The following SLC4A10 variants were observed in gnomAD, a reference collection of about 807,000 sequenced individuals.
SLC4A10 encodes the protein sodium-driven chloride bicarbonate exchanger.
In SLC4A10, 42 loss-of-function variants were observed where a neutral mutation model predicts 137.7. The ratio of observed to expected loss-of-function variants is 0.30; its 90% confidence interval spans 0.24 to 0.39. The LOEUF is 0.39. SLC4A10 is among the 10% of genes least tolerant of loss of function. The probability of loss-of-function intolerance (pLI) is 1.00; values close to 1 mark genes in which losing one functional copy is unlikely to be tolerated. For synonymous variants in SLC4A10, 474 were observed against 464.1 expected (o/e 1.02, Z -0.27); for missense variants, 925 against 1,355.0 (o/e 0.68, Z 4.98).
chr2:161,939,512 A>G (rs1692273945), intron 15 of SLC4A10, among the ~76,000 whole-genome samples: 1 of 151,992 alleles, frequency 6.6e-6, no homozygotes, highest in Non-Finnish European at 1.5e-5. Flanking sequence ...CAATTAACAT[A>G]TGTAGATTTC....
chr2:161,729,075 C>A (rs1174483171), intron 1 of SLC4A10, among the ~76,000 whole-genome samples: 1 of 152,004 alleles, frequency 6.6e-6, no homozygotes, highest in Non-Finnish European at 1.5e-5. Flanking sequence ...CCCTCAAAAC[C>A]TACAGTTAAT....
rs1217499865 is a variant in SLC4A10 at position 161,624,481 on chromosome 2, T to C, written c.-38T>C. 1 of 1,551,702 alleles carries C rather than the reference T, an allele frequency of 6.4e-7. No individual in the cohort carries two copies. ...GCTGAGTGTAAGACACTGAAGACAC[T>C]GCAGAGCAAGGTGCTTATTCCAGAG... On this transcript the variant is annotated 5_prime_UTR_variant, in exon 1 of 27. Transcript: ENST00000446997.
chr2:161,687,034 A>G (rs1288435886), intron 1 of SLC4A10, among the ~76,000 whole-genome samples: 2 of 151,880 alleles, frequency 1.3e-5, no homozygotes, highest in Non-Finnish European at 2.9e-5. Flanking sequence ...GGCACACGCC[A>G]CCATGCCCAG....
At chr2:161,859,880 G>T (rs1385475893) in intron 5 of SLC4A10, among the ~76,000 whole-genome samples, 1 of 152,100 alleles carries the variant, frequency 6.6e-6, no homozygotes, top group Non-Finnish European at 1.5e-5. Context: ...GATTACAGGC[G>T]TGAGCCACCG....
intron 2 of SLC4A10, among the ~76,000 whole-genome samples, chr2:161,781,741 C>A (rs1000308227): frequency 6.6e-6 from 1 of 151,930 alleles, no homozygotes; most frequent in Non-Finnish European, 1.5e-5. Context: ...ACAAACACAC[C>A]AATTCAGGAA....
intron 4 of SLC4A10, among the ~76,000 whole-genome samples, chr2:161,843,290 G>GT (rs1453819679): frequency 6.6e-6 from 1 of 152,124 alleles, no homozygotes; most frequent in Non-Finnish European, 1.5e-5. Context: ...GAGCAGGTAG[G>GT]TTTTTGTTAT....
Position 161,949,138 on chromosome 2 carries a change from T to C in SLC4A10, c.2266-10T>C. 6.3e-7 allele frequency: 1 copy of C among 1,587,214 alleles called. No individual in the cohort carries two copies. Among genetic ancestry groups the C allele is most frequent in the Non-Finnish European group, 8.6e-7 (1 of 1,159,914 alleles). On this transcript the variant is annotated splice_polypyrimidine_tract_variant and intron_variant, in intron 17 of 26. Coordinates refer to ENST00000446997, the MANE Select transcript of SLC4A10 (RefSeq NM_001178015.2). ...CTACTTTAAGTGACAAGTGTTTTCA[T>C]TATTTTTAGGTTCGATCCATAGTGA...
At chr2:161,924,152 T>C (rs1238724765) in intron 15 of SLC4A10, among the ~76,000 whole-genome samples, 1 of 152,218 alleles carries the variant, frequency 6.6e-6, no homozygotes, top group Non-Finnish European at 1.5e-5. Flanking sequence ...ATGTTTCTTT[T>C]CTCTTTCTTT....
At chr2:161,881,515 AGTAACTATTTTAGTACACCTT>A (rs969581147) in intron 9 of SLC4A10, among the ~76,000 whole-genome samples, 3 of 152,096 alleles carry the variant, frequency 2.0e-5, no homozygotes, top group African/African-American at 4.8e-5. Context: ...GTAGAATTAT[AGTAACTATTTTAGTACACCTT>A]GTGAAGTCAT....
Position 161,777,655 on chromosome 2 carries a change from C to T in SLC4A10, c.130+6601C>T, listed in dbSNP as rs2052517579. Among the ~76,000 whole-genome samples, 3 of 151,914 alleles carry T rather than the reference C, an allele frequency of 2.0e-5. No homozygotes were observed. In the South Asian group the frequency reaches 6.2e-4, roughly 31 times the overall value. On this transcript the variant is annotated intron_variant, in intron 2 of 26. Coordinates refer to ENST00000446997, the MANE Select transcript of SLC4A10 (RefSeq NM_001178015.2). ...AAGAGAGAGAGCTTGGGCAGAGAAG[C>T]TCCCGTTTTTAAAACCATCAGATCT...
At chr2:161,721,786 A>C (rs1304474827) in intron 1 of SLC4A10, among the ~76,000 whole-genome samples, 1 of 152,086 alleles carries the variant, frequency 6.6e-6, no homozygotes, top group Non-Finnish European at 1.5e-5. Context: ...ATGTTTTCCA[A>C]TTTGGTTCCA....
chr2:161,819,741 G>C (rs543164723), intron 3 of SLC4A10, among the ~76,000 whole-genome samples: 1 of 152,054 alleles, frequency 6.6e-6, no homozygotes, highest in Non-Finnish European at 1.5e-5. Context: ...TGATCCACCC[G>C]CACCAGCCTC....
At chr2:161,978,230 C>CA (rs1473056286) in intron 26 of SLC4A10, among the ~76,000 whole-genome samples, 2 of 150,954 alleles carry the variant, frequency 1.3e-5, no homozygotes, top group African/African-American at 4.9e-5. Context: ...ACTAAAAATA[C>CA]AAAAAAATTA....
At position 161,927,610 on chromosome 2, in the gene SLC4A10, G is replaced by A. The variant is rs191758116; in HGVS notation, c.1998-15182G>A. Among the ~76,000 whole-genome samples the A allele has an allele frequency of 4.4e-3, 669 of 152,148 alleles. 2 individuals carry two copies. The highest frequency in any genetic ancestry group is 0.015 in the African/African-American group (636 of 41,504). ...ACCTACAAAATGGGAGAAAATTTTC[G>A]CAACCTACTCATCTGACAAAGGGCT... is the stretch of plus-strand genomic sequence containing the variant. On this transcript the variant is annotated intron_variant, in intron 15 of 26. Coordinates refer to ENST00000446997, the MANE Select transcript of SLC4A10 (RefSeq NM_001178015.2).
At chr2:161,645,825 G>T (rs2035955461) in intron 1 of SLC4A10, among the ~76,000 whole-genome samples, 1 of 151,944 alleles carries the variant, frequency 6.6e-6, no homozygotes, top group Non-Finnish European at 1.5e-5. Flanking sequence ...GAATGCTGAG[G>T]GATGTTTGGA....
At chr2:161,774,260 C>A (rs967798695) in intron 2 of SLC4A10, among the ~76,000 whole-genome samples, 1 of 151,750 alleles carries the variant, frequency 6.6e-6, no homozygotes, top group Admixed American at 6.6e-5. Context: ...TACATTAATA[C>A]CCTTAAAATT....
At chr2:161,671,066 G>A (rs898454619) in intron 1 of SLC4A10, among the ~76,000 whole-genome samples, 1 of 152,084 alleles carries the variant, frequency 6.6e-6, no homozygotes, top group Non-Finnish European at 1.5e-5. Context: ...TGGTCTGAAC[G>A]TGTCTCCCAA....
chr2:161,730,308 C>T (rs747517032), intron 1 of SLC4A10, among the ~76,000 whole-genome samples: 1 of 152,076 alleles, frequency 6.6e-6, no homozygotes, highest in Non-Finnish European at 1.5e-5. Flanking sequence ...ATTAGTTATA[C>T]AGCTTCAGAA....
intron 11 of SLC4A10, 142 bp from the exon 12 acceptor site, chr2:161,900,769 G>A (rs1682914709): frequency 1.8e-6 from 1 of 565,562 alleles, no homozygotes; most frequent in African/African-American, 1.9e-5. Context: ...CTTCCTGGAG[G>A]TCAAGCAACA....
Sources: allele counts gnomAD v4.1 joint callset (sites outside exome capture counted in the v4.1 genomes callset), GRCh38; gene constraint gnomAD v4.1.1; transcripts MANE v1.5; gene names NCBI Gene and HGNC (gene_info 2026-07-23, HGNC 2026-07-21).